Variants in PPP2R3A observed in about 807,000 individuals in gnomAD.
The protein encoded by PPP2R3A is protein phosphatase 2 regulatory subunit B''alpha.
PPP2R3A carries 80 observed loss-of-function variants against 106.9 expected under a neutral mutation model. The observed-to-expected ratio is 0.75, with a 90% confidence interval of 0.62 to 0.90. The LOEUF (loss-of-function observed/expected upper bound fraction) is 0.90, where lower values mean the gene tolerates loss of function less well. PPP2R3A is among the 40% of genes least tolerant of loss of function. The probability of loss-of-function intolerance (pLI) is 0.00; values close to 1 mark genes in which losing one functional copy is unlikely to be tolerated. For missense variants in PPP2R3A, 1,386 were observed against 1,350.4 expected, an observed-to-expected ratio of 1.03 and a Z score of -0.41; for synonymous variants, 483 against 468.3, an observed-to-expected ratio of 1.03 and a Z score of -0.41.
intron 5 of PPP2R3A, among the ~76,000 whole-genome samples, chr3:136,057,238 C>T (rs1291208468): frequency 1.3e-5 from 2 of 152,124 alleles, no homozygotes; most frequent in Non-Finnish European, 2.9e-5. Flanking sequence ...TATTGCAACA[C>T]TATTCACAAT....
chr3:136,020,618 G>A (rs1241459352), intron 2 of PPP2R3A, among the ~76,000 whole-genome samples: 7 of 151,256 alleles, frequency 4.6e-5, no homozygotes, highest in Admixed American at 6.6e-5. Flanking sequence ...TCTTTTCCAC[G>A]CTTATATTTT....
At chr3:136,083,758 T>G (rs973055808) in intron 8 of PPP2R3A, among the ~76,000 whole-genome samples, 4 of 152,188 alleles carry the variant, frequency 2.6e-5, no homozygotes, top group Admixed American at 2.0e-4. Context: ...GATAGTGATA[T>G]GGACAATAAA....
intron 5 of PPP2R3A, among the ~76,000 whole-genome samples, chr3:136,061,937 A>C (rs954306537): frequency 2.7e-4 from 41 of 151,914 alleles, no homozygotes; most frequent in South Asian, 8.3e-4. Flanking sequence ...AAAAAAAAAA[A>C]AAAAAAAAAC....
At chr3:136,087,832 A>G in intron 8 of PPP2R3A, 51 bp from the exon 9 acceptor site, 2 of 1,453,218 alleles carry the variant, frequency 1.4e-6, no homozygotes, top group African/African-American at 1.4e-5. Context: ...TATTGCCTTT[A>G]TGGAGCATGT....
chr3:136,044,111 C>G (rs920016027), intron 4 of PPP2R3A, among the ~76,000 whole-genome samples: 1 of 152,132 alleles, frequency 6.6e-6, no homozygotes, highest in African/African-American at 2.4e-5. Flanking sequence ...CACCCATTTT[C>G]TAATCCTGAG....
chr3:136,103,180 T>C (rs1399925928), intron 11 of PPP2R3A, 78 bp from the exon 12 acceptor site: 7 of 793,896 alleles, frequency 8.8e-6, no homozygotes, highest in South Asian at 1.9e-5. Flanking sequence ...CCTATACTTT[T>C]AGATGTCAGG....
At chr3:136,072,106 T>C (rs1936451494) in intron 6 of PPP2R3A, among the ~76,000 whole-genome samples, 1 of 152,200 alleles carries the variant, frequency 6.6e-6, no homozygotes, top group South Asian at 2.1e-4. Flanking sequence ...TCCTATCATC[T>C]GATAAAATTT....
intron 1 of PPP2R3A, among the ~76,000 whole-genome samples, chr3:135,991,162 G>T (rs545459172): frequency 6.6e-6 from 1 of 152,052 alleles, no homozygotes; most frequent in Non-Finnish European, 1.5e-5. Context: ...TGTCCTGCCC[G>T]CTCAGACTGT....
At chr3:135,970,084 A>C (rs1332637437) in intron 1 of PPP2R3A, among the ~76,000 whole-genome samples, 1 of 152,256 alleles carries the variant, frequency 6.6e-6, no homozygotes, top group Non-Finnish European at 1.5e-5. Context: ...GGTCCACCTA[A>C]GAAATTTCTT....
chr3:136,042,095 A>G (rs562259447), intron 4 of PPP2R3A, among the ~76,000 whole-genome samples: 1 of 152,358 alleles, frequency 6.6e-6, no homozygotes, highest in African/African-American at 2.4e-5. Context: ...TTGAACAGAC[A>G]GATTCTTTCT....
At chr3:135,997,184 A>C (rs1933435136) in intron 1 of PPP2R3A, among the ~76,000 whole-genome samples, 1 of 152,192 alleles carries the variant, frequency 6.6e-6, no homozygotes, top group South Asian at 2.1e-4. Flanking sequence ...CTAATGGAAA[A>C]TCTAGTCTAC....
At chr3:136,089,628 A>G (rs1377018440) in intron 9 of PPP2R3A, among the ~76,000 whole-genome samples, 3 of 151,778 alleles carry the variant, frequency 2.0e-5, no homozygotes, top group Non-Finnish European at 2.9e-5. Context: ...CTTAAAAAAA[A>G]ACTAGTCTGT....
intron 2 of PPP2R3A, among the ~76,000 whole-genome samples, chr3:136,010,490 G>A (rs1357487536): frequency 6.9e-6 from 1 of 144,460 alleles, no homozygotes; most frequent in African/African-American, 2.6e-5. Flanking sequence ...GCAGTGGCGG[G>A]ATCTCGGCTC....
At chr3:136,046,792 G>C (rs997971537) in intron 4 of PPP2R3A, among the ~76,000 whole-genome samples, 1 of 152,194 alleles carries the variant, frequency 6.6e-6, no homozygotes, top group Non-Finnish European at 1.5e-5. Context: ...TCAGAATCTG[G>C]ATGGTAAGAA....
intron 2 of PPP2R3A, chr3:136,023,233 T>TTTTGTTTTGC: frequency 6.4e-7 from 1 of 1,556,946 alleles, no homozygotes; most frequent in Non-Finnish European, 8.7e-7. Flanking sequence ...TTTTGTTTTG[T>TTTTGTTTTGC]TTTGTTTTGT....
At chr3:136,046,862 C>T (rs1935487598) in intron 4 of PPP2R3A, among the ~76,000 whole-genome samples, 1 of 152,070 alleles carries the variant, frequency 6.6e-6, no homozygotes, top group African/African-American at 2.4e-5. Context: ...TAAAATGATC[C>T]AAGAGTTGAA....
intron 5 of PPP2R3A, among the ~76,000 whole-genome samples, chr3:136,068,143 G>A (rs1936318827): frequency 6.6e-6 from 1 of 151,748 alleles, no homozygotes. Flanking sequence ...ACTTGAACCT[G>A]GAAGGTAGAG....
chr3:136,129,244 A>G (rs1293353438), intron 13 of PPP2R3A, among the ~76,000 whole-genome samples: 1 of 151,982 alleles, frequency 6.6e-6, no homozygotes, highest in Non-Finnish European at 1.5e-5. Flanking sequence ...TGGTTTTTTG[A>G]AAAAATCAAC....
At chr3:136,070,612 T>G (rs1348297880) in intron 6 of PPP2R3A, 60 bp downstream of exon 6, 2 of 1,385,808 alleles carry the variant, frequency 1.4e-6, no homozygotes, top group Non-Finnish European at 2.0e-6. Flanking sequence ...TATTACCATC[T>G]GCTATCCAGA....
Sources: allele counts gnomAD v4.1 joint callset (sites outside exome capture counted in the v4.1 genomes callset), GRCh38; gene constraint gnomAD v4.1.1; transcripts MANE v1.5; gene names NCBI Gene and HGNC (gene_info 2026-07-23, HGNC 2026-07-21).